Variants in SLC35F3 observed in about 807,000 individuals in gnomAD.
The protein encoded by SLC35F3 is solute carrier family 35 member F3.
Under a neutral mutation model 49.9 loss-of-function variants are expected in SLC35F3, and 25 were observed. That is an observed-to-expected ratio of 0.50 (90% CI 0.37 to 0.70). The LOEUF is 0.70. SLC35F3 is among the 30% of genes least tolerant of loss of function. SLC35F3 has a pLI of 0.00. For missense variants in SLC35F3, 525 were observed against 639.8 expected (o/e 0.82, Z 1.94); for synonymous variants, 275 against 265.4 (o/e 1.04, Z -0.35).
At chr1:234,153,732 G>A (rs1010491427) in intron 2 of SLC35F3, among the ~76,000 whole-genome samples, 10 of 152,088 alleles carry the variant, frequency 6.6e-5, no homozygotes, top group African/African-American at 2.4e-4. Flanking sequence ...TTTGATACCA[G>A]CCATGGGCAA....
chr1:233,975,570 G>A (rs144886914), intron 2 of SLC35F3, among the ~76,000 whole-genome samples: 5 of 152,348 alleles, frequency 3.3e-5, no homozygotes, highest in Non-Finnish European at 7.3e-5. Flanking sequence ...CGTCCTTGCC[G>A]ACTGTTAGTG....
intron 3 of SLC35F3, among the ~76,000 whole-genome samples, chr1:234,260,442 A>G (rs1667885855): frequency 6.6e-6 from 1 of 152,228 alleles, no homozygotes; most frequent in Non-Finnish European, 1.5e-5. Flanking sequence ...ATCTGGAATT[A>G]AGGCAGAAGT....
At chr1:234,147,883 G>C (rs1024633448) in intron 2 of SLC35F3, among the ~76,000 whole-genome samples, 12 of 152,226 alleles carry the variant, frequency 7.9e-5, no homozygotes, top group African/African-American at 2.7e-4. Context: ...GATGGACCTG[G>C]TGATTGGCAT....
intron 2 of SLC35F3, among the ~76,000 whole-genome samples, chr1:233,929,528 A>G (rs941370899): frequency 1.3e-5 from 2 of 152,168 alleles, no homozygotes; most frequent in African/African-American, 4.8e-5. Flanking sequence ...TTTTCTTCTT[A>G]CCACTCTTTT....
At chr1:233,934,721 A>G (rs978840868) in intron 2 of SLC35F3, among the ~76,000 whole-genome samples, 3 of 151,536 alleles carry the variant, frequency 2.0e-5, no homozygotes, top group African/African-American at 4.8e-5. Context: ...TTCAGATACC[A>G]CTATACAGGA....
rs777353110 is a variant in SLC35F3, at chr1:234,112,556, CT to C, written c.284-118844del. Among the ~76,000 whole-genome samples, 906 of 116,352 alleles carry C rather than the reference CT, an allele frequency of 7.8e-3. 11 individuals carry two copies. Among genetic ancestry groups the C allele is most frequent in the African/African-American group, 0.024 (819 of 33,514 alleles). The allele number at this position is 116,352 out of a possible 152,430, so 76.3% of individuals were successfully genotyped here. Reference sequence around the variant, plus strand: ...TTTTGTGAAGTTTATAATTCACACTCTTTTTTTTTTTTTTTTTGAGACAGAG... The same window carrying C: ...TTTTGTGAAGTTTATAATTCACACTCTTTTTTTTTTTTTTTTGAGACAGAG... On this transcript the variant is annotated intron_variant, in intron 2 of 7. Transcript: ENST00000366618.
chr1:234,048,176 C>T (rs1461967402), intron 2 of SLC35F3, among the ~76,000 whole-genome samples: 2 of 152,034 alleles, frequency 1.3e-5, no homozygotes, highest in East Asian at 1.9e-4. Context: ...TTAGTTTCTA[C>T]TTAGTGTTTA....
intron 2 of SLC35F3, among the ~76,000 whole-genome samples, chr1:234,146,514 G>C (rs571568301): frequency 2.3e-5 from 2 of 87,588 alleles, no homozygotes; most frequent in East Asian, 7.1e-3. Flanking sequence ...TTCTGGAGAC[G>C]GAGTTTCGCT....
At chr1:233,952,275 A>G (rs1662620201) in intron 2 of SLC35F3, among the ~76,000 whole-genome samples, 1 of 151,920 alleles carries the variant, frequency 6.6e-6, no homozygotes, top group Non-Finnish European at 1.5e-5. Flanking sequence ...TTTTTTCTGT[A>G]TTCTTTATCT....
rs60973099 is a variant in SLC35F3 at position 234,255,799 on chromosome 1, G to A, written c.608+24058G>A. On this transcript the variant is annotated intron_variant, in intron 3 of 7. Transcript: ENST00000366618. ...AAGGGATGAATCAGTGGAGCTTGGG[G>A]GATTAAAACACTTAGAGCAGTGAAA... Among the ~76,000 whole-genome samples the A allele has an allele frequency of 4.8e-3, 729 of 152,220 alleles. 7 individuals carry two copies. The highest frequency in any genetic ancestry group is 0.017 in the African/African-American group (695 of 41,538).
intron 2 of SLC35F3, among the ~76,000 whole-genome samples, chr1:234,133,312 C>T (rs982106126): frequency 6.6e-6 from 1 of 152,060 alleles, no homozygotes; most frequent in African/African-American, 2.4e-5. Context: ...TTTAAGAGAC[C>T]CACAGAAATG....
chr1:234,168,197 A>C lies in SLC35F3; in HGVS notation c.284-63220A>C, dbSNP rs2102917191. ...GACTCAATGCCAGGGTCCTGTCTGC[A>C]CCCTAGGGCTGGAATATGACTTTCA... On this transcript the variant is annotated intron_variant, in intron 2 of 7. Transcript: ENST00000366618. Among the ~76,000 whole-genome samples the C allele has an allele frequency of 2.0e-5, 3 of 152,208 alleles. No homozygotes were observed. The South Asian group carries it at 6.2e-4, about 32-fold the overall frequency.
chr1:234,274,134 G>C (rs569591441), intron 3 of SLC35F3: 72 of 152,322 alleles, frequency 4.7e-4, no homozygotes, highest in African/African-American at 1.7e-3. Flanking sequence ...GTGAACGTTG[G>C]TTCTAATTAA....
At chr1:234,134,308 TTATA>T (rs1665777669) in intron 2 of SLC35F3, among the ~76,000 whole-genome samples, 1 of 148,754 alleles carries the variant, frequency 6.7e-6, no homozygotes, top group Non-Finnish European at 1.5e-5. Context: ...TTATATGCAA[TTATA>T]TATACAAACA....
chr1:234,231,419 G>A lies in SLC35F3; in HGVS notation c.286G>A (p.Glu96Lys), dbSNP rs1426420634. 1.9e-6 allele frequency: 3 copies of A among 1,550,200 alleles called. No individual in the cohort carries two copies. The highest frequency in any genetic ancestry group is 1.2e-5 in the South Asian group (1 of 81,760). The part of the protein sequence containing the change: ...YQPWAASCKR[E>K]ERPRDSPGPA... ...AACCACGCCCTTCTCTTCCCCAGGGGAGGAGCGCCCCCGGGACTCCCCGGG... is the reference window on the plus strand; with the variant it reads ...AACCACGCCCTTCTCTTCCCCAGGGAAGGAGCGCCCCCGGGACTCCCCGGG... The change falls in exon 3 of 8, where the codon GAG becomes AAG. Residue 96 changes from glutamate (E) to lysine (K), a missense_variant and splice_region_variant. Physicochemically the swap from Glu to Lys is moderately conservative, Grantham distance 56 (BLOSUM62 1). Coordinates refer to ENST00000366618, the MANE Select transcript of SLC35F3 (RefSeq NM_173508.4). The surrounding 1 kb of genome is among the most constrained non-coding windows in gnomAD (Gnocchi z 5.4).
intron 2 of SLC35F3, among the ~76,000 whole-genome samples, chr1:234,194,888 A>T (rs1666784860): frequency 6.6e-6 from 1 of 152,208 alleles, no homozygotes; most frequent in East Asian, 1.9e-4. Flanking sequence ...GCACCCAGTT[A>T]TGCTGAGGAG....
Position 233,905,547 on chromosome 1 carries a change from G to A in SLC35F3, c.72G>A (p.Pro24=), listed in dbSNP as rs1366292631. The part of the protein sequence containing the change: ...KSIAVGMRRS[P]DVSPRRLSDI... ...ACCGCAGTGGCATGAGGAGGTCACCGGACGTCAGCCCCCGGAGACTGTCCG... is the reference window on the plus strand; with the variant it reads ...ACCGCAGTGGCATGAGGAGGTCACCAGACGTCAGCCCCCGGAGACTGTCCG... Residue 24 remains proline (P), a synonymous_variant, in exon 2 of 8, where the codon CCG becomes CCA. Coordinates refer to ENST00000366618, the MANE Select transcript of SLC35F3 (RefSeq NM_173508.4). The A allele has an allele frequency of 6.2e-7, 1 of 1,613,446 alleles. No homozygotes were observed. Among genetic ancestry groups the A allele is most frequent in the Non-Finnish European group, 8.5e-7 (1 of 1,179,800 alleles).
chr1:234,309,036 T>C (rs1272439871), intron 3 of SLC35F3, 65 bp from the exon 4 acceptor site: 2 of 1,336,728 alleles, frequency 1.5e-6, no homozygotes, highest in Non-Finnish European at 2.1e-6. Flanking sequence ...AAACTTGCTA[T>C]AGGAAATAAA....
At chr1:234,135,763 T>C (rs1373123966) in intron 2 of SLC35F3, among the ~76,000 whole-genome samples, 1 of 152,224 alleles carries the variant, frequency 6.6e-6, no homozygotes, top group Non-Finnish European at 1.5e-5. Flanking sequence ...TCCAGACTCC[T>C]GAAAGGAAAG....
Sources: gnomAD v4.1 joint callset for allele counts (sites outside exome capture counted in the v4.1 genomes callset) on GRCh38, gnomAD v4.1.1 for gene constraint, Gnocchi (gnomAD v3.1) non-coding constraint, MANE v1.5 for transcripts, NCBI Gene and HGNC (gene_info 2026-07-23, HGNC 2026-07-21) for gene names.